Variants in MFSD11 observed in about 807,000 individuals in gnomAD.
MFSD11 encodes the protein UNC93-like protein MFSD11.
Under a neutral mutation model 53.5 loss-of-function variants are expected in MFSD11, and 36 were observed. The ratio of observed to expected loss-of-function variants is 0.67; its 90% CI spans 0.52 to 0.89. MFSD11 has a LOEUF of 0.89. MFSD11 is among the 40% of genes least tolerant of loss of function. The probability of loss-of-function intolerance (pLI) is 0.00; values close to 1 mark genes in which losing one functional copy is unlikely to be tolerated. For synonymous variants in MFSD11, 186 were observed against 184.9 expected (o/e 1.01, Z -0.05); for missense variants, 530 against 543.9 (o/e 0.97, Z 0.25).
chr17:76,741,243 C>T (rs1230010497), intron 3 of MFSD11, among the ~76,000 whole-genome samples, 179 bp downstream of exon 3: 1 of 152,100 alleles, frequency 6.6e-6, no homozygotes, highest in Non-Finnish European at 1.5e-5. Flanking sequence ...TAGGATGTAT[C>T]TATATCTGCT....
chr17:76,750,069 G>A (rs748342268), intron 7 of MFSD11, among the ~76,000 whole-genome samples: 1 of 152,068 alleles, frequency 6.6e-6, no homozygotes, highest in African/African-American at 2.4e-5. Flanking sequence ...TGGAGGGTTC[G>A]AGAGAGGACT....
intron 7 of MFSD11, among the ~76,000 whole-genome samples, chr17:76,748,643 G>A (rs942976191): frequency 2.1e-4 from 32 of 151,854 alleles, no homozygotes; most frequent in African/African-American, 7.5e-4. Context: ...CTGTGGTCAC[G>A]CCGCTGCACT....
At position 76,738,309 on chromosome 17, in the gene MFSD11, A is replaced by G. The variant is rs759601963; in HGVS notation, c.-44A>G. ...TTGTCAGTGGCTTCGCCCCGAGGAG[A>G]GCTGACTGCCCTGGGCTGCTGCCTC... On this transcript the variant is annotated 5_prime_UTR_variant, in exon 1 of 13. Coordinates refer to ENST00000685175, the MANE Select transcript of MFSD11 (RefSeq NM_001242532.5). The G allele has an allele frequency of 2.2e-5, 29 of 1,329,330 alleles. No homozygotes were observed. The highest frequency in any genetic ancestry group is 3.1e-5 in the Non-Finnish European group (29 of 925,570). The allele number at this position is 1,329,330 out of a possible 1,614,324, so 82.3% of individuals were successfully genotyped here. A position where few individuals can be genotyped will look rare whatever the true frequency, so the allele number is the denominator to read the frequency against.
At position 76,769,655 on chromosome 17, in the gene MFSD11, G is replaced by A. The variant is rs115050452; in HGVS notation, c.749-91G>A. ...CTGTGAGTTTTATGTGTTTTACTACGCAAGTATTCTTTCGTCAGATACTAC... is the reference window on the plus strand; with the variant it reads ...CTGTGAGTTTTATGTGTTTTACTACACAAGTATTCTTTCGTCAGATACTAC... On this transcript the variant is annotated intron_variant, in intron 9 of 12. Coordinates refer to ENST00000685175, the MANE Select transcript of MFSD11 (RefSeq NM_001242532.5). 3,747 of 964,368 alleles carry A rather than the reference G, an allele frequency of 3.9e-3. 102 individuals are homozygous for A. The African/African-American group carries it at 0.052, about 14-fold the overall frequency. 59.7% of individuals were successfully genotyped at this position (964,368 alleles called of 1,614,324 possible). A position where few individuals can be genotyped will look rare whatever the true frequency, so the allele number is the denominator to read the frequency against.
chr17:76,794,993 C>T, the MFSD11 span, among the ~76,000 whole-genome samples: 24 of 151,486 alleles, frequency 1.6e-4, no homozygotes, highest in South Asian at 4.8e-3. Flanking sequence ...CACACCCAGC[C>T]GAAAATGTAC....
upstream of MFSD11, chr17:76,737,313 G>T: frequency 9.1e-7 from 1 of 1,095,160 alleles, no homozygotes; most frequent in Non-Finnish European, 1.3e-6. Flanking sequence ...CCGCAGGCTA[G>T]CGCACCTGAG....
In MFSD11 at chr17:76,769,864, A is replaced by G. The variant is rs1234507646; in HGVS notation, c.867A>G (p.Glu289=). The change falls in exon 10 of 13, where the codon GAA becomes GAG. Residue 289 remains glutamate (E), a synonymous_variant. Transcript: ENST00000685175. Reference sequence around the variant, plus strand: ...CTGGCATTTTCATCGGCATTGGAGAAATTTTAGGTTGGTTTTAAAAAAAAG... The same window carrying G: ...CTGGCATTTTCATCGGCATTGGAGAGATTTTAGGTTGGTTTTAAAAAAAAG... The part of the protein sequence containing the change: ...GLSGIFIGIG[E]ILGGSLFGLL... 1.2e-6 allele frequency: 2 copies of G among 1,604,456 alleles called. No homozygotes were observed. The highest frequency in any genetic ancestry group is 2.7e-5 in the African/African-American group (2 of 74,188).
upstream of MFSD11, chr17:76,737,364 T>A (rs975491391): frequency 2.2e-5 from 13 of 599,434 alleles, no homozygotes; most frequent in Non-Finnish European, 3.0e-5. Context: ...CCCGTTTATA[T>A]CGCTCCTCAC....
At chr17:76,799,840 A>G in the MFSD11 span, among the ~76,000 whole-genome samples, 1 of 151,988 alleles carries the variant, frequency 6.6e-6, no homozygotes, top group Non-Finnish European at 1.5e-5. Flanking sequence ...ATGTTTTATT[A>G]TCTGATCAGA....
intron 8 of MFSD11, among the ~76,000 whole-genome samples, chr17:76,764,373 G>A (rs766249246): frequency 7.2e-5 from 11 of 152,084 alleles, no homozygotes; most frequent in Non-Finnish European, 1.2e-4. Flanking sequence ...CCTGCCTAAC[G>A]AAAACTTTGT....
At chr17:76,797,619 A>G in the MFSD11 span, among the ~76,000 whole-genome samples, 1 of 152,050 alleles carries the variant, frequency 6.6e-6, no homozygotes, top group South Asian at 2.1e-4. Context: ...ACCAGTCCTG[A>G]GGACCTCCTG....
At chr17:76,784,802 C>A (rs537361913), downstream of MFSD11, among the ~76,000 whole-genome samples, 2 of 151,670 alleles carry the variant, frequency 1.3e-5, no homozygotes, top group African/African-American at 4.8e-5. Flanking sequence ...AGGAGGCTAA[C>A]GCAGGATAAT....
chr17:76,784,720 A>G (rs1199060423), downstream of MFSD11, among the ~76,000 whole-genome samples: 1 of 151,954 alleles, frequency 6.6e-6, no homozygotes, highest in African/African-American at 2.4e-5. Context: ...CCAACATGGT[A>G]TAACCCTGTC....
the MFSD11 span, among the ~76,000 whole-genome samples, chr17:76,788,661 C>A: frequency 2.0e-5 from 3 of 148,952 alleles, 1 homozygote; most frequent in Non-Finnish European, 4.5e-5. Flanking sequence ...ACCAGCCTGG[C>A]CAACATGGCA....
intron 7 of MFSD11, among the ~76,000 whole-genome samples, chr17:76,744,680 T>A (rs2078391808): frequency 6.6e-6 from 1 of 152,118 alleles, no homozygotes; most frequent in Non-Finnish European, 1.5e-5. Flanking sequence ...CACAGGGAAG[T>A]TGAGTCTGTT....
At chr17:76,750,352 T>C (rs2078947628) in intron 7 of MFSD11, among the ~76,000 whole-genome samples, 1 of 151,510 alleles carries the variant, frequency 6.6e-6, no homozygotes. Context: ...ACTATTTTTT[T>C]GTGTGTTAGT....
chr17:76,788,743 C>T, the MFSD11 span, among the ~76,000 whole-genome samples: 643 of 148,446 alleles, frequency 4.3e-3, 22 homozygotes, highest in African/African-American at 0.015. Flanking sequence ...GTCCCAGTTA[C>T]TTGGGAGGCT....
intron 7 of MFSD11, among the ~76,000 whole-genome samples, chr17:76,747,566 C>T (rs2078664318): frequency 6.6e-6 from 1 of 152,042 alleles, no homozygotes; most frequent in African/African-American, 2.4e-5. Context: ...AACTCCTGAC[C>T]TCGTGATCCA....
Position 76,738,122 on chromosome 17 carries a change from C to T in MFSD11, c.-231C>T, listed in dbSNP as rs1170123463. On this transcript the variant is annotated 5_prime_UTR_variant, in exon 1 of 13. Transcript: ENST00000685175. ...TCTTGGCGCTTCTCCGGGGGTTGTGCTCTTCCGTACTCGGATCGCTTCTTA... is the reference window on the plus strand; with the variant it reads ...TCTTGGCGCTTCTCCGGGGGTTGTGTTCTTCCGTACTCGGATCGCTTCTTA... 1.9e-6 allele frequency: 1 copy of T among 530,988 alleles called. No homozygotes were observed. The highest frequency in any genetic ancestry group is 3.0e-5 in the East Asian group (1 of 32,926). 32.9% of individuals were successfully genotyped at this position (530,988 alleles called of 1,614,324 possible).
Sources: allele counts gnomAD v4.1 joint callset (sites outside exome capture counted in the v4.1 genomes callset), GRCh38; gene constraint gnomAD v4.1.1; transcripts MANE v1.5; gene names NCBI Gene and HGNC (gene_info 2026-07-23, HGNC 2026-07-21).